The following CNTNAP2 variants were observed in gnomAD, a reference collection of about 807,000 sequenced individuals.
CNTNAP2 encodes the protein contactin associated protein 2.
A neutral mutation model predicts 155.2 loss-of-function variants in CNTNAP2; 98 were observed. The ratio of observed to expected loss-of-function variants is 0.63; its 90% CI spans 0.54 to 0.75. The LOEUF (loss-of-function observed/expected upper bound fraction) is 0.75, where lower values mean the gene tolerates loss of function less well. CNTNAP2 is among the 30% of genes least tolerant of loss of function. The pLI, the probability that CNTNAP2 is intolerant of heterozygous loss-of-function variation, is 0.00. For synonymous variants in CNTNAP2, 651 were observed against 631.2 expected, an observed-to-expected ratio of 1.03 and a Z score of -0.47; for missense variants, 1,727 against 1,688.1, an observed-to-expected ratio of 1.02 and a Z score of -0.40.
intron 1 of CNTNAP2, among the ~76,000 whole-genome samples, chr7:146,622,988 A>G (rs913574582): frequency 1.3e-5 from 2 of 151,634 alleles, no homozygotes; most frequent in African/African-American, 2.4e-5. Flanking sequence ...AAAAAGAAAA[A>G]AAAAAACCTG....
At chr7:147,796,622 T>C (rs1008774511) in intron 13 of CNTNAP2, among the ~76,000 whole-genome samples, 1 of 151,494 alleles carries the variant, frequency 6.6e-6, no homozygotes, top group African/African-American at 2.4e-5. Context: ...GAATTATCCA[T>C]AACAAGGAAT....
At chr7:147,681,162 GT>G (rs1434712651) in intron 13 of CNTNAP2, among the ~76,000 whole-genome samples, 3 of 151,936 alleles carry the variant, frequency 2.0e-5, no homozygotes, top group Non-Finnish European at 2.9e-5. Context: ...ATCATTGGTT[GT>G]TTTTGTCTGT....
rs1168961736 is a variant in CNTNAP2, at chr7:147,324,987, A to T, written c.1498+24697A>T. On this transcript the variant is annotated intron_variant, in intron 9 of 23. Coordinates refer to ENST00000361727, the MANE Select transcript of CNTNAP2 (RefSeq NM_014141.6). ...CAGCCTCTGACTTTTTAAAACATCC[A>T]TGTTTCAAAATAATTTTAGGAAAAT... Among the ~76,000 whole-genome samples, 6 of 152,290 alleles carry T rather than the reference A, an allele frequency of 3.9e-5. No homozygotes were observed. The East Asian group carries it at 1.2e-3, about 29-fold the overall frequency.
intron 17 of CNTNAP2, among the ~76,000 whole-genome samples, chr7:148,154,804 G>T (rs982600985): frequency 2.0e-5 from 3 of 152,228 alleles, no homozygotes; most frequent in East Asian, 3.9e-4. Context: ...AGGCATGCTG[G>T]TGGGTGCCTG....
At chr7:148,125,045 C>G (rs546048888) in intron 16 of CNTNAP2, among the ~76,000 whole-genome samples, 1 of 151,966 alleles carries the variant, frequency 6.6e-6, no homozygotes, top group Admixed American at 6.6e-5. Flanking sequence ...ATGACACAGG[C>G]AGTGAAGATT....
At chr7:146,174,553 A>G (rs111925239) in intron 1 of CNTNAP2, among the ~76,000 whole-genome samples, 2,325 of 152,128 alleles carry the variant, frequency 0.015, 51 homozygotes, top group African/African-American at 0.052. Context: ...TGATTCTACT[A>G]TAGGCTGGGC....
Position 148,217,394 on chromosome 7 carries a change from G to C in CNTNAP2, c.3117G>C (p.Gln1039His). ...SSSRVDNAPDQQNSHPDLAQE... is the reference protein window; with the variant it reads ...SSSRVDNAPDHQNSHPDLAQE... ...GCAGAGTAGACAACGCTCCCGACCA[G>C]CAGAACTCCCACCCGGACCTGGCAC... is the stretch of plus-strand genomic sequence containing the variant. Residue 1039 changes from glutamine (Q) to histidine (H), a missense_variant, in exon 19 of 24, where the codon CAG (glutamine) becomes CAC (histidine). By Grantham distance (24) the Gln-to-His change is conservative. Coordinates refer to ENST00000361727, the MANE Select transcript of CNTNAP2 (RefSeq NM_014141.6). 6.2e-6 allele frequency: 10 copies of C among 1,614,120 alleles called. No homozygotes were observed. Among genetic ancestry groups the C allele is most frequent in the Non-Finnish European group, 8.5e-6 (10 of 1,180,018 alleles).
intron 1 of CNTNAP2, among the ~76,000 whole-genome samples, chr7:146,581,112 C>T: frequency 6.6e-6 from 1 of 152,096 alleles, no homozygotes. Flanking sequence ...AACACACCTT[C>T]TGTGTTTAAT....
At chr7:147,832,877 A>T (rs1172189810) in intron 13 of CNTNAP2, among the ~76,000 whole-genome samples, 1 of 148,614 alleles carries the variant, frequency 6.7e-6, no homozygotes, top group African/African-American at 2.4e-5. Context: ...TATGTTATTT[A>T]TACAGAATTA....
chr7:146,846,584 G>C (rs1014766073), intron 3 of CNTNAP2, among the ~76,000 whole-genome samples: 1 of 151,982 alleles, frequency 6.6e-6, no homozygotes, highest in Non-Finnish European at 1.5e-5. Context: ...AGTGAATTTT[G>C]ATCACCTTTC....
At chr7:146,185,841 G>A (rs1798616022) in intron 1 of CNTNAP2, among the ~76,000 whole-genome samples, 1 of 147,774 alleles carries the variant, frequency 6.8e-6, no homozygotes, top group African/African-American at 2.5e-5. Flanking sequence ...AACCATGCAT[G>A]GGTATTTGGT....
intron 18 of CNTNAP2, among the ~76,000 whole-genome samples, chr7:148,208,975 A>G (rs1795498874): frequency 1.3e-5 from 2 of 152,050 alleles, no homozygotes; most frequent in South Asian, 2.1e-4. Context: ...CTCTCTTCAC[A>G]CACTTCTCCC....
At chr7:147,254,646 A>G (rs1804280905) in intron 8 of CNTNAP2, among the ~76,000 whole-genome samples, 1 of 152,190 alleles carries the variant, frequency 6.6e-6, no homozygotes, top group Non-Finnish European at 1.5e-5. Context: ...GGGAAATAAC[A>G]TTTGATTCAC....
At chr7:146,755,602 G>A (rs1801982198) in intron 1 of CNTNAP2, among the ~76,000 whole-genome samples, 1 of 151,976 alleles carries the variant, frequency 6.6e-6, no homozygotes, top group Non-Finnish European at 1.5e-5. Flanking sequence ...AAATGTATCA[G>A]TGTGCATATT....
chr7:148,108,084 C>A (rs1459353716), intron 15 of CNTNAP2, among the ~76,000 whole-genome samples: 1 of 152,222 alleles, frequency 6.6e-6, no homozygotes, highest in Non-Finnish European at 1.5e-5. Flanking sequence ...AATTCCCCAT[C>A]TCCCCTCTGG....
At chr7:147,160,486 G>T (rs1802004692) in intron 8 of CNTNAP2, among the ~76,000 whole-genome samples, 3 of 151,896 alleles carry the variant, frequency 2.0e-5, no homozygotes, top group African/African-American at 7.3e-5. Context: ...TATTATTATA[G>T]GTTTATTTTA....
intron 1 of CNTNAP2, among the ~76,000 whole-genome samples, chr7:146,576,020 G>A (rs1798518939): frequency 6.6e-6 from 1 of 152,212 alleles, no homozygotes; most frequent in Non-Finnish European, 1.5e-5. Context: ...ACCTGCTGAT[G>A]TGCTGGCATC....
chr7:146,482,871 C>A (rs754637715), intron 1 of CNTNAP2, among the ~76,000 whole-genome samples: 1 of 151,950 alleles, frequency 6.6e-6, no homozygotes, highest in Admixed American at 6.6e-5. Flanking sequence ...AAATAAAAAA[C>A]CTTCCAACAG....
chr7:147,538,170 T>G (rs546715352), intron 11 of CNTNAP2, among the ~76,000 whole-genome samples: 1 of 152,132 alleles, frequency 6.6e-6, no homozygotes, highest in Non-Finnish European at 1.5e-5. Flanking sequence ...TATAAGAAAA[T>G]CTAAGTCAAG....
Sources: gnomAD v4.1 joint callset for allele counts (sites outside exome capture counted in the v4.1 genomes callset) on GRCh38, gnomAD v4.1.1 for gene constraint, MANE v1.5 for transcripts, NCBI Gene and HGNC (gene_info 2026-07-23, HGNC 2026-07-21) for gene names.